Variants in SORT1 observed in about 807,000 individuals in gnomAD.
SORT1 encodes the protein sortilin 1.
In SORT1, 39 loss-of-function variants were observed where a neutral mutation model predicts 101.7. The observed-to-expected ratio is 0.38, with a 90% CI of 0.30 to 0.50. SORT1 has a LOEUF of 0.50. Among genes scored for constraint, SORT1 ranks in the 20% least tolerant of loss-of-function variants. SORT1 has a pLI of 0.90. For synonymous variants in SORT1, 396 were observed against 393.7 expected (o/e 1.01, Z -0.07); for missense variants, 878 against 1,040.4 (o/e 0.84, Z 2.15).
At chr1:109,390,136 A>T (rs1479137395) in intron 1 of SORT1, among the ~76,000 whole-genome samples, 2 of 152,158 alleles carry the variant, frequency 1.3e-5, no homozygotes, top group Admixed American at 6.5e-5. Context: ...GTGCCGTTAC[A>T]GATCTCCCTA....
intron 8 of SORT1, 47 bp from the exon 9 acceptor site, chr1:109,342,205 C>G: frequency 6.9e-7 from 1 of 1,444,970 alleles, no homozygotes; most frequent in South Asian, 1.2e-5. Context: ...TGCCAAGATG[C>G]CATGGGCAGG....
intron 7 of SORT1, 150 bp from the exon 8 acceptor site, chr1:109,346,031 G>C: frequency 1.5e-6 from 1 of 688,808 alleles, no homozygotes; most frequent in Non-Finnish European, 2.4e-6. Flanking sequence ...TGATACAGCG[G>C]CCAGGCGCAG....
At position 109,327,101 on chromosome 1, in the gene SORT1, C is replaced by A; in HGVS notation, c.1534G>T (p.Gly512Cys). Reference sequence around the variant, plus strand: ...TCCAGCATCTTTGTCCAGGAGTAACCCCCATCATCTGAGATGTACACATCT... The same window carrying A: ...TCCAGCATCTTTGTCCAGGAGTAACACCCATCATCTGAGATGTACACATCT... ...VPDVYISDDGGYSWTKMLEGP... is the reference protein window; with the variant it reads ...VPDVYISDDGCYSWTKMLEGP... The change falls in exon 13 of 20, where the codon GGT (glycine) becomes TGT (cysteine). Residue 512 changes from glycine to cysteine, a missense_variant. Physicochemically the swap from Gly to Cys is radical, Grantham distance 159 (BLOSUM62 -3). Around this residue, in one of 2 missense-constraint regions of SORT1, gnomAD observed 684 missense variants for 894.5 expected, o/e 0.76. Transcript: ENST00000256637. 1 of 1,613,442 alleles carries A rather than the reference C, an allele frequency of 6.2e-7. No homozygotes were observed. The highest frequency in any genetic ancestry group is 8.5e-7 in the Non-Finnish European group (1 of 1,179,762).
intron 13 of SORT1, among the ~76,000 whole-genome samples, chr1:109,325,451 G>A (rs1017948763): frequency 1.3e-5 from 2 of 151,650 alleles, no homozygotes; most frequent in Admixed American, 1.3e-4. Flanking sequence ...TGTTGGGCAG[G>A]CTGGTCTTGA....
At chr1:109,337,694 C>T (rs1354732727) in intron 10 of SORT1, among the ~76,000 whole-genome samples, 1 of 152,128 alleles carries the variant, frequency 6.6e-6, no homozygotes, top group African/African-American at 2.4e-5. Context: ...GTGGCACCAT[C>T]TCGGCTCACT....
chr1:109,351,534 A>C (rs2101598536), intron 5 of SORT1, among the ~76,000 whole-genome samples: 1 of 152,290 alleles, frequency 6.6e-6, no homozygotes, highest in African/African-American at 2.4e-5. Context: ...GAGGTCATAA[A>C]CCCTGCAGTG....
chr1:109,375,378 C>T (rs1284356208), intron 1 of SORT1, among the ~76,000 whole-genome samples: 3 of 151,794 alleles, frequency 2.0e-5, no homozygotes, highest in African/African-American at 2.4e-5. Context: ...CCCGTCTCTA[C>T]TAAAAATACA....
rs1477515911 is a variant in SORT1 at position 109,310,170 on chromosome 1, TAC to T, written c.*3871_*3872del. Reference sequence around the variant, plus strand: ...TATACAGTTTATATATGTATATATGTACACACACATATATATAAAGGTACAGA... The same window carrying T: ...TATACAGTTTATATATGTATATATGTACACACATATATATAAAGGTACAGA... On this transcript the variant is annotated 3_prime_UTR_variant, in exon 20 of 20. Transcript: ENST00000256637. 3 of 152,810 alleles carry T rather than the reference TAC, an allele frequency of 2.0e-5. No individual in the cohort carries two copies. The highest frequency in any genetic ancestry group is 1.9e-4 in the East Asian group (1 of 5,194). The allele number at this position is 152,810 out of a possible 1,614,324, so 9.5% of individuals were successfully genotyped here.
At chr1:109,351,629 G>A (rs1306749117) in intron 5 of SORT1, among the ~76,000 whole-genome samples, 1 of 152,190 alleles carries the variant, frequency 6.6e-6, no homozygotes, top group Non-Finnish European at 1.5e-5. Context: ...AGGCAGAAAG[G>A]TGAGGCCAGC....
In SORT1 at chr1:109,327,011, G is replaced by C; in HGVS notation, c.1624C>G (p.Arg542Gly). The change falls in exon 13 of 20, where the codon CGT becomes GGT. Residue 542 changes from arginine to glycine, a missense_variant. By Grantham distance (125) the Arg-to-Gly change is moderately radical. Around this residue, in one of 2 missense-constraint regions of SORT1, gnomAD observed 684 missense variants for 894.5 expected, o/e 0.76. Transcript: ENST00000256637. ...GIIVAIEHSS[R>G]PINVIKFSTD... ...GCATACTTAATCACATTGATAGGAC[G>C]GCTGCTGTGCTCAATGGCCACAATG... The C allele has an allele frequency of 6.2e-7, 1 of 1,611,866 alleles. No individual in the cohort carries two copies. Among genetic ancestry groups the C allele is most frequent in the Non-Finnish European group, 8.5e-7 (1 of 1,179,696 alleles).
At chr1:109,327,846 A>G (rs1648188362) in intron 11 of SORT1, among the ~76,000 whole-genome samples, 2 of 152,166 alleles carry the variant, frequency 1.3e-5, no homozygotes, top group African/African-American at 4.8e-5. Context: ...AGCAACTGTT[A>G]CCTACTTCTT....
In SORT1 at chr1:109,312,277, T is replaced by C. The variant is rs546611931; in HGVS notation, c.*1766A>G. ...TAATTTTAAAACCATGCAAAATGAA[T>C]AAGCAAAAAGACTAGTGCACTCCAG... On this transcript the variant is annotated 3_prime_UTR_variant, in exon 20 of 20. Transcript: ENST00000256637. 19 of 152,694 alleles carry C rather than the reference T, an allele frequency of 1.2e-4. No individual in the cohort carries two copies. Among genetic ancestry groups the C allele is most frequent in the African/African-American group, 4.3e-4 (18 of 41,564 alleles). The allele number at this position is 152,694 out of a possible 1,614,324, so 9.5% of individuals were successfully genotyped here. A position where few individuals can be genotyped will look rare whatever the true frequency, so the allele number is the denominator to read the frequency against.
chr1:109,338,489 T>C (rs1270617736), intron 10 of SORT1, among the ~76,000 whole-genome samples: 1 of 152,168 alleles, frequency 6.6e-6, no homozygotes, highest in Non-Finnish European at 1.5e-5. Context: ...GAGACTAATG[T>C]GTTTATTTGT....
intron 5 of SORT1, among the ~76,000 whole-genome samples, chr1:109,353,729 T>G (rs1005930443): frequency 1.3e-5 from 2 of 152,206 alleles, no homozygotes; most frequent in African/African-American, 4.8e-5. Context: ...AGTATAATTC[T>G]GATTATTATA....
chr1:109,334,838 G>A (rs923306451), intron 11 of SORT1, among the ~76,000 whole-genome samples: 1 of 152,022 alleles, frequency 6.6e-6, no homozygotes, highest in Non-Finnish European at 1.5e-5. Context: ...AAAAAGAAAT[G>A]TATTGTCAGA....
At position 109,393,868 on chromosome 1, in the gene SORT1, T is replaced by C. The variant is rs181696351; in HGVS notation, c.306+3719A>G. Among the ~76,000 whole-genome samples, 439 of 151,670 alleles carry C rather than the reference T, an allele frequency of 2.9e-3. 1 individual carries two copies. Among genetic ancestry groups the C allele is most frequent in the Non-Finnish European group, 3.9e-3 (265 of 67,888 alleles). On this transcript the variant is annotated intron_variant, in intron 1 of 19. Coordinates refer to ENST00000256637, the MANE Select transcript of SORT1 (RefSeq NM_002959.7). Reference sequence around the variant, plus strand: ...ATGCATATATTATGTAATACAAATATATATTTATACAATAATATACATATA... The same window carrying C: ...ATGCATATATTATGTAATACAAATACATATTTATACAATAATATACATATA...
intron 1 of SORT1, among the ~76,000 whole-genome samples, chr1:109,396,643 G>A (rs961594318): frequency 3.9e-5 from 6 of 152,210 alleles, no homozygotes; most frequent in African/African-American, 1.4e-4. Context: ...GTTACAGAAG[G>A]ACAAGTGCTG....
intron 1 of SORT1, among the ~76,000 whole-genome samples, chr1:109,384,819 C>T (rs543920034): frequency 6.6e-6 from 1 of 152,272 alleles, no homozygotes; most frequent in South Asian, 2.1e-4. Flanking sequence ...TAGCTCACGC[C>T]TGTAATTGCA....
intron 12 of SORT1, 113 bp from the exon 13 acceptor site, chr1:109,327,273 CTT>C: frequency 9.8e-7 from 1 of 1,025,440 alleles, no homozygotes; most frequent in Non-Finnish European, 1.4e-6. Flanking sequence ...CATCAAGCCT[CTT>C]TTAGTAGGAA....
Sources: gnomAD v4.1 joint callset for allele counts (sites outside exome capture counted in the v4.1 genomes callset) on GRCh38, gnomAD v4.1.1 for gene constraint, gnomAD v4.1.1 regional missense constraint, MANE v1.5 for transcripts, NCBI Gene and HGNC (gene_info 2026-07-23, HGNC 2026-07-21) for gene names.